TRIO: variants seen among roughly 807,000 people sequenced by gnomAD.
TRIO encodes the protein triple functional domain protein.
Under a neutral mutation model 351.9 loss-of-function variants are expected in TRIO, and 58 were observed. The ratio of observed to expected loss-of-function variants is 0.16; its 90% confidence interval spans 0.13 to 0.21. The LOEUF is 0.21. Ranked by LOEUF, TRIO falls within the 10% of genes least tolerant of loss-of-function variation. TRIO has a pLI of 1.00. For synonymous variants in TRIO, 1,758 were observed against 1,595.7 expected (o/e 1.10, Z -2.42); for missense variants, 3,201 against 4,027.8 (o/e 0.79, Z 5.56).
At chr5:14,296,245 G>A (rs1477090611) in intron 6 of TRIO, among the ~76,000 whole-genome samples, 1 of 152,186 alleles carries the variant, frequency 6.6e-6, no homozygotes, top group African/African-American at 2.4e-5. Flanking sequence ...AAGGAGTGAT[G>A]TGGTAACAGT....
At chr5:14,187,949 T>C (rs185430887) in intron 1 of TRIO, among the ~76,000 whole-genome samples, 6,571 of 152,246 alleles carry the variant, frequency 0.043, 475 homozygotes, top group African/African-American at 0.15. Context: ...CTTTATTGCG[T>C]GAGAAGCAGA....
At chr5:14,291,931 T>A (rs16903368) in intron 5 of TRIO, among the ~76,000 whole-genome samples, 1,546 of 152,230 alleles carry the variant, frequency 0.01, 27 homozygotes, top group African/African-American at 0.035. Context: ...GGTAATATAG[T>A]TGGTAATCAC....
intron 34 of TRIO, among the ~76,000 whole-genome samples, chr5:14,423,589 C>T (rs1019129105): frequency 6.6e-6 from 1 of 152,166 alleles, no homozygotes; most frequent in Non-Finnish European, 1.5e-5. Context: ...CCAAGAGTCG[C>T]CCTACACAAT....
intron 6 of TRIO, 135 bp downstream of exon 6, chr5:14,293,269 G>A: frequency 8.0e-7 from 1 of 1,245,162 alleles, no homozygotes; most frequent in African/African-American, 1.5e-5. Flanking sequence ...ACCTTCACAT[G>A]GAGGGTGTTC....
Position 14,286,708 on chromosome 5 carries a change from A to G in TRIO, c.348-163A>G, listed in dbSNP as rs1290785608. Among the ~76,000 whole-genome samples the G allele has an allele frequency of 1.3e-5, 2 of 152,194 alleles. No homozygotes were observed. The highest frequency in any genetic ancestry group is 2.9e-5 in the Non-Finnish European group (2 of 68,024). On this transcript the variant is annotated intron_variant, in intron 3 of 56. Coordinates refer to ENST00000344204, the MANE Select transcript of TRIO (RefSeq NM_007118.4). This position sits in a 1 kb window ranked among gnomAD's most constrained non-coding sequence, Gnocchi z 4.4. ...GCCTGGGTCTCTTCCTTTATGGTAC[A>G]AGGGAGGGACGAGAAGGAGCTGAGC...
At position 14,492,761 on chromosome 5, in the gene TRIO, T is replaced by C. The variant is rs757750305; in HGVS notation, c.7827T>C (p.Phe2609=). The C allele has an allele frequency of 6.2e-7, 1 of 1,614,174 alleles. No homozygotes were observed. The highest frequency in any genetic ancestry group is 2.2e-5 in the East Asian group (1 of 44,882). Residue 2609 remains phenylalanine (F), a synonymous_variant, in exon 49 of 57, where the codon TTT becomes TTC. Transcript: ENST00000344204. ...CAGCTGAGGGCTGGATTCCAGGCTTTGTCCTGGGCCACACCAGTGCAGTCA... is the reference window on the plus strand; with the variant it reads ...CAGCTGAGGGCTGGATTCCAGGCTTCGTCCTGGGCCACACCAGTGCAGTCA... ...CPAAEGWIPG[F]VLGHTSAVIV... is the part of the protein sequence containing the mutation.
In TRIO at chr5:14,395,774, A is replaced by C. The variant is rs563545202; in HGVS notation, c.4312-1269A>C. The stretch of plus-strand genomic sequence containing the variant: ...TAGTAATTATTAATACACCAATAAG[A>C]AAGTATCTTGGCTGTAATCCCAGCA... On this transcript the variant is annotated intron_variant, in intron 28 of 56. Transcript: ENST00000344204. 3.9e-5 allele frequency among the ~76,000 whole-genome samples: 6 copies of C among 152,272 alleles called. No individual in the cohort carries two copies. The South Asian group carries it at 1.2e-3, about 32-fold the overall frequency.
intron 5 of TRIO, 29 bp downstream of exon 5, chr5:14,291,257 T>C (rs1194076989): frequency 1.9e-5 from 30 of 1,597,112 alleles, no homozygotes; most frequent in Non-Finnish European, 2.6e-5. Flanking sequence ...AATGCCTCAG[T>C]GGACATGGGG....
At chr5:14,167,625 G>A (rs1788848202) in intron 1 of TRIO, among the ~76,000 whole-genome samples, 1 of 152,190 alleles carries the variant, frequency 6.6e-6, no homozygotes, top group Non-Finnish European at 1.5e-5. Context: ...TCTGGGGCCT[G>A]CCTTGGAAGA....
At chr5:14,415,996 T>C (rs1749611796) in intron 33 of TRIO, among the ~76,000 whole-genome samples, 1 of 151,888 alleles carries the variant, frequency 6.6e-6, no homozygotes, top group African/African-American at 2.4e-5. Context: ...CTAAATTCAA[T>C]GCATGAGGTG....
intron 1 of TRIO, among the ~76,000 whole-genome samples, chr5:14,159,177 T>G (rs1788282540): frequency 6.6e-6 from 1 of 152,292 alleles, no homozygotes; most frequent in East Asian, 1.9e-4. Context: ...CCCTCTCCCT[T>G]TTTTTGGTGT....
intron 33 of TRIO, among the ~76,000 whole-genome samples, chr5:14,417,268 CT>C: frequency 6.6e-6 from 1 of 152,260 alleles, no homozygotes; most frequent in East Asian, 1.9e-4. Context: ...TCCTTGTGGC[CT>C]AGCAAAGCTG....
At chr5:14,445,457 C>A (rs1387741174) in intron 34 of TRIO, among the ~76,000 whole-genome samples, 1 of 152,188 alleles carries the variant, frequency 6.6e-6, no homozygotes, top group Non-Finnish European at 1.5e-5. Flanking sequence ...ATCTTCTAGT[C>A]TGTTTATATG....
At chr5:14,384,992 C>G (rs1006872808) in intron 21 of TRIO, among the ~76,000 whole-genome samples, 1 of 152,196 alleles carries the variant, frequency 6.6e-6, no homozygotes, top group Non-Finnish European at 1.5e-5. Flanking sequence ...ATGGCCTTCA[C>G]CATGAGATCA....
At chr5:14,346,314 C>T (rs1257714445) in intron 11 of TRIO, among the ~76,000 whole-genome samples, 1 of 152,230 alleles carries the variant, frequency 6.6e-6, no homozygotes, top group Non-Finnish European at 1.5e-5. Flanking sequence ...GAGGGGAGCA[C>T]TCTCCAGACA....
At chr5:14,481,652 C>T (rs1367465771) in intron 45 of TRIO, 34 bp downstream of exon 45, 2 of 1,602,160 alleles carry the variant, frequency 1.2e-6, no homozygotes, top group East Asian at 4.5e-5. Context: ...GAGAGCTCCT[C>T]TGCCTTCATC....
At chr5:14,341,191 G>T (rs1338887017) in intron 11 of TRIO, among the ~76,000 whole-genome samples, 3 of 152,176 alleles carry the variant, frequency 2.0e-5, no homozygotes, top group Non-Finnish European at 4.4e-5. Context: ...ATTCACATCA[G>T]TTCTGTTGAT....
At chr5:14,254,218 T>C (rs1794904068) in intron 1 of TRIO, among the ~76,000 whole-genome samples, 2 of 151,074 alleles carry the variant, frequency 1.3e-5, no homozygotes, top group Non-Finnish European at 3.0e-5. Context: ...GAGTCTTGCT[T>C]TGTCACCCAG....
At chr5:14,395,914 C>G (rs995531833) in intron 28 of TRIO, among the ~76,000 whole-genome samples, 1 of 151,836 alleles carries the variant, frequency 6.6e-6, no homozygotes, top group Admixed American at 6.6e-5. Flanking sequence ...GGCATGGTGG[C>G]GGGCGCCTGT....
Sources: gnomAD v4.1 joint callset for allele counts (sites outside exome capture counted in the v4.1 genomes callset) on GRCh38, gnomAD v4.1.1 for gene constraint, Gnocchi (gnomAD v3.1) non-coding constraint, MANE v1.5 for transcripts, NCBI Gene and HGNC (gene_info 2026-07-23, HGNC 2026-07-21) for gene names.